Variants in SIDT1 observed in about 807,000 individuals in gnomAD.
SIDT1 encodes the protein SID1 transmembrane family, member 1.
A neutral mutation model predicts 107.5 loss-of-function variants in SIDT1; 101 were observed. The observed-to-expected ratio is 0.94, with a 90% CI of 0.80 to 1.11. SIDT1 has a LOEUF of 1.11. Among genes scored for constraint, SIDT1 ranks in the 50% least tolerant of loss-of-function variants. The pLI, the probability that SIDT1 is intolerant of heterozygous loss-of-function variation, is 0.00. For missense variants in SIDT1, 1,076 were observed against 1,058.2 expected (o/e 1.02, Z -0.23); for synonymous variants, 395 against 398.2 (o/e 0.99, Z 0.10).
chr3:113,556,355 G>C lies in SIDT1; in HGVS notation c.223-10065G>C, dbSNP rs1225511920. Among the ~76,000 whole-genome samples the C allele has an allele frequency of 2.6e-5, 4 of 152,172 alleles. 1 individual carries two copies. The highest frequency in any genetic ancestry group is 2.6e-4 in the Admixed American group (4 of 15,276). Reference sequence around the variant, plus strand: ...CAGCTCCCTGCAGTAGTTATGAAAAGCTTGGGATGAAACGCTCCATATAAT... The same window carrying C: ...CAGCTCCCTGCAGTAGTTATGAAAACCTTGGGATGAAACGCTCCATATAAT... On this transcript the variant is annotated intron_variant, in intron 1 of 24. Coordinates refer to ENST00000264852, the MANE Select transcript of SIDT1 (RefSeq NM_017699.3).
At chr3:113,548,474 C>T (rs887341424) in intron 1 of SIDT1, among the ~76,000 whole-genome samples, 2 of 151,990 alleles carry the variant, frequency 1.3e-5, no homozygotes, top group Non-Finnish European at 2.9e-5. Context: ...CAGAATGTCA[C>T]GTAGTTGTGA....
In SIDT1 at chr3:113,585,725, T is replaced by C. The variant is rs149635469; in HGVS notation, c.1001+455T>C. ...GAGGTGCAACAAAGAGCAGGAGTAA[T>C]GTTCTTTGATACAGCATTACCAAGT... On this transcript the variant is annotated intron_variant, in intron 9 of 24. Transcript: ENST00000264852. 2.6e-3 allele frequency among the ~76,000 whole-genome samples: 394 copies of C among 152,268 alleles called. 1 individual carries two copies. Among genetic ancestry groups the C allele is most frequent in the African/African-American group, 8.9e-3 (370 of 41,558 alleles).
At chr3:113,594,778 G>C (rs1422045764) in intron 10 of SIDT1, 1 of 151,144 alleles carries the variant, frequency 6.6e-6, no homozygotes, top group African/African-American at 2.4e-5. Context: ...ACAGCAACAA[G>C]AAAAAAAAAA....
the SIDT1 span, among the ~76,000 whole-genome samples, chr3:113,634,975 A>G: frequency 6.6e-6 from 1 of 152,256 alleles, no homozygotes; most frequent in Admixed American, 6.5e-5. Flanking sequence ...AGCTGGATTT[A>G]TATAAGGACT....
intron 10 of SIDT1, among the ~76,000 whole-genome samples, chr3:113,599,188 T>C (rs1944781381): frequency 6.6e-6 from 1 of 152,118 alleles, no homozygotes; most frequent in South Asian, 2.1e-4. Context: ...TGAAAGATAC[T>C]GAGGGGAATG....
chr3:113,574,333 T>C (rs1393169596), intron 3 of SIDT1, among the ~76,000 whole-genome samples: 2 of 152,170 alleles, frequency 1.3e-5, no homozygotes, highest in African/African-American at 2.4e-5. Flanking sequence ...AGGGAGTTCA[T>C]AGCAGATGGC....
intron 14 of SIDT1, among the ~76,000 whole-genome samples, chr3:113,606,034 A>T (rs1945306340): frequency 6.6e-6 from 1 of 151,146 alleles, no homozygotes; most frequent in Admixed American, 6.6e-5. Context: ...AAAAGAAAAA[A>T]AAAAAGCTTC....
In SIDT1 at chr3:113,608,380, C is replaced by G. The variant is rs1576942731; in HGVS notation, c.1603-39C>G. 11 of 1,548,398 alleles carry G rather than the reference C, an allele frequency of 7.1e-6. No individual in the cohort carries two copies. The East Asian group carries it at 2.5e-4, about 35-fold the overall frequency. ...GATTAGTGACTTGGTGGATATGGCACTATTTAGTATCTATTGACCACCCTT... is the reference window on the plus strand; with the variant it reads ...GATTAGTGACTTGGTGGATATGGCAGTATTTAGTATCTATTGACCACCCTT... On this transcript the variant is annotated intron_variant, in intron 16 of 24. Coordinates refer to ENST00000264852, the MANE Select transcript of SIDT1 (RefSeq NM_017699.3).
intron 21 of SIDT1, among the ~76,000 whole-genome samples, chr3:113,621,174 G>C (rs1946440505): frequency 2.0e-5 from 3 of 152,216 alleles, no homozygotes; most frequent in African/African-American, 7.2e-5. Flanking sequence ...GAGAGAGACA[G>C]AGAGAAAATG....
intron 4 of SIDT1, 44 bp from the exon 5 acceptor site, chr3:113,580,564 A>G (rs1943248774): frequency 8.1e-7 from 1 of 1,234,800 alleles, no homozygotes; most frequent in Non-Finnish European, 1.2e-6. Flanking sequence ...AAACAATCCC[A>G]TTCATGTAAA....
chr3:113,603,108 C>A lies in SIDT1; in HGVS notation c.1221C>A (p.Thr407=). 1 of 1,614,096 alleles carries A rather than the reference C, an allele frequency of 6.2e-7. No homozygotes were observed. Among genetic ancestry groups the A allele is most frequent in the South Asian group, 1.1e-5 (1 of 91,070 alleles). The change falls in exon 12 of 25, where the codon ACC becomes ACA. Residue 407 remains threonine, a synonymous_variant. Transcript: ENST00000264852. ...DSSVEESDFD[T]MPDIESDKNI... ...CCGTGGAGGAGAGCGACTTCGACAC[C>A]ATGCCAGACATTGAGAGTGATAAAA...
chr3:113,587,860 TGAG>T (rs1401830759), intron 9 of SIDT1, among the ~76,000 whole-genome samples: 2 of 152,190 alleles, frequency 1.3e-5, no homozygotes, highest in Non-Finnish European at 2.9e-5. Context: ...TCAGGCCCTA[TGAG>T]AGATGACAGT....
At chr3:113,588,561 T>C (rs1390175384) in intron 9 of SIDT1, among the ~76,000 whole-genome samples, 2 of 152,132 alleles carry the variant, frequency 1.3e-5, no homozygotes, top group Non-Finnish European at 2.9e-5. Flanking sequence ...ATCCAAAGTG[T>C]CTTCATACTG....
At position 113,611,143 on chromosome 3, in the gene SIDT1, T is replaced by G. The variant is rs1460597521; in HGVS notation, c.1856T>G (p.Val619Gly). The G allele has an allele frequency of 1.9e-6, 3 of 1,612,952 alleles. No homozygotes were observed. The highest frequency in any genetic ancestry group is 2.5e-6 in the Non-Finnish European group (3 of 1,179,452). ...AVVIMVTVLG[V>G]VFGKNDVWFW... ...GTCATCATGGTCACCGTCCTTGGAG[T>G]GGTGCGTCCCCCACCTTCTTCCACC... Residue 619 changes from valine (V) to glycine (G), a missense_variant and splice_region_variant, in exon 18 of 25, where the codon GTG becomes GGG. Val to Gly is a moderately radical substitution (Grantham distance 109). Coordinates refer to ENST00000264852, the MANE Select transcript of SIDT1 (RefSeq NM_017699.3).
At chr3:113,594,121 A>G (rs1227436233) in intron 10 of SIDT1, among the ~76,000 whole-genome samples, 4 of 152,142 alleles carry the variant, frequency 2.6e-5, no homozygotes, top group African/African-American at 9.7e-5. Context: ...GAATCTTAGA[A>G]AGACTTTAAC....
intron 1 of SIDT1, among the ~76,000 whole-genome samples, chr3:113,559,591 G>A (rs866413559): frequency 6.6e-6 from 1 of 151,974 alleles, no homozygotes; most frequent in Non-Finnish European, 1.5e-5. Flanking sequence ...ACAGGAGCAC[G>A]CCACTACACC....
At chr3:113,602,197 C>T (rs1487305799) in intron 11 of SIDT1, among the ~76,000 whole-genome samples, 1 of 152,194 alleles carries the variant, frequency 6.6e-6, no homozygotes, top group Non-Finnish European at 1.5e-5. Context: ...GAATCCTAGA[C>T]CTGTCTTGTT....
At chr3:113,597,495 CAAA>C (rs60934363) in intron 10 of SIDT1, among the ~76,000 whole-genome samples, 18,957 of 108,012 alleles carry the variant, frequency 0.18, 1,299 homozygotes, top group East Asian at 0.23. Flanking sequence ...GACTCCATCT[CAAA>C]AAAAAAAAAA....
intron 10 of SIDT1, among the ~76,000 whole-genome samples, chr3:113,596,593 T>C (rs1445433981): frequency 6.6e-6 from 1 of 152,200 alleles, no homozygotes; most frequent in Non-Finnish European, 1.5e-5. Context: ...CTAATTATCC[T>C]TAATACCAAA....
Sources: gnomAD v4.1 joint callset for allele counts (sites outside exome capture counted in the v4.1 genomes callset) on GRCh38, gnomAD v4.1.1 for gene constraint, MANE v1.5 for transcripts, NCBI Gene and HGNC (gene_info 2026-07-23, HGNC 2026-07-21) for gene names.